TF: variants seen among roughly 807,000 people sequenced by gnomAD.
TF encodes transferrin.
In TF, 55 loss-of-function variants were observed where a neutral mutation model predicts 82.4. That is an observed-to-expected ratio of 0.67 (90% CI 0.54 to 0.84). The LOEUF is 0.84. Among genes scored for constraint, TF ranks in the 40% least tolerant of loss-of-function variants. The probability of loss-of-function intolerance (pLI) is 0.00; values close to 1 mark genes in which losing one functional copy is unlikely to be tolerated. For synonymous variants in TF, 332 were observed against 332.6 expected (o/e 1.00, Z 0.02); for missense variants, 737 against 868.4 (o/e 0.85, Z 1.90).
chr3:133,783,108 T>G lies in TF; in HGVS notation c.*4488T>G, dbSNP rs1460616741. On this transcript the variant is annotated 3_prime_UTR_variant, in exon 17 of 17. Transcript: ENST00000402696. Reference sequence around the variant, plus strand: ...AAGGACCACAGTATAGGTAATAAATTCTACTTTATTTGGGATTCCTCCTTC... The same window carrying G: ...AAGGACCACAGTATAGGTAATAAATGCTACTTTATTTGGGATTCCTCCTTC... The G allele has an allele frequency of 1.3e-5, 2 of 152,172 alleles. No individual in the cohort carries two copies. Among genetic ancestry groups the G allele is most frequent in the Non-Finnish European group, 2.9e-5 (2 of 68,046 alleles). The allele number at this position is 152,172 out of a possible 1,614,324, so 9.4% of individuals were successfully genotyped here.
chr3:133,750,531 G>T (rs1334267985), intron 2 of TF, among the ~76,000 whole-genome samples: 1 of 152,108 alleles, frequency 6.6e-6, no homozygotes. Context: ...TTCTGGGTTT[G>T]GTTATTTTGA....
Position 133,756,467 on chromosome 3 carries a change from C to T in TF, c.691+130C>T, listed in dbSNP as rs1933836848. On this transcript the variant is annotated intron_variant, in intron 6 of 16. Coordinates refer to ENST00000402696, the MANE Select transcript of TF (RefSeq NM_001063.4). ...TCTCCTTTATCATTGCCTGGGTTTC[C>T]ACCTGTGCAGAGTTAGGTACCTACG... 11 of 1,108,160 alleles carry T rather than the reference C, an allele frequency of 9.9e-6. No homozygotes were observed. The South Asian group carries it at 1.2e-4, about 12-fold the overall frequency. 68.6% of individuals were successfully genotyped at this position (1,108,160 alleles called of 1,614,324 possible).
the TF span, among the ~76,000 whole-genome samples, chr3:133,722,243 G>C: frequency 6.6e-6 from 1 of 151,566 alleles, no homozygotes; most frequent in Non-Finnish European, 1.5e-5. Flanking sequence ...ACTTCTGCTT[G>C]CTTCTGGTTT....
chr3:133,718,073 AGGAGAGTGGTGGGAAG>A, the TF span, among the ~76,000 whole-genome samples: 5 of 151,968 alleles, frequency 3.3e-5, no homozygotes, highest in African/African-American at 4.8e-5. Flanking sequence ...GCAAGGGTCC[AGGAGAGTGGTGGGAAG>A]GGAGAGTGGT....
the TF span, among the ~76,000 whole-genome samples, chr3:133,715,955 T>A: frequency 2.0e-5 from 3 of 152,232 alleles, no homozygotes; most frequent in African/African-American, 7.2e-5. Context: ...TTTTAATTCC[T>A]GTTCCAGTGT....
the TF span, among the ~76,000 whole-genome samples, chr3:133,688,951 G>C: frequency 3.3e-5 from 5 of 152,176 alleles, no homozygotes; most frequent in South Asian, 1.0e-3. Flanking sequence ...TCCCAAAATT[G>C]TTATCTCATT....
Position 133,794,779 on chromosome 3 carries a change from T to A in TF, c.*16159T>A, listed in dbSNP as rs1934925950. On this transcript the variant is annotated 3_prime_UTR_variant, in exon 17 of 17. Transcript: ENST00000402696. ...GATGGCATCCTTGATGTGAACAGCT[T>A]TTCCCAAGATCATGAATCAAGACTT... The A allele has an allele frequency of 6.6e-6, 1 of 152,228 alleles. No individual in the cohort carries two copies. The highest frequency in any genetic ancestry group is 1.5e-5 in the Non-Finnish European group (1 of 68,048). The allele number at this position is 152,228 out of a possible 1,614,324, so 9.4% of individuals were successfully genotyped here.
At chr3:133,739,196 C>G in the TF span, among the ~76,000 whole-genome samples, 12 of 152,004 alleles carry the variant, frequency 7.9e-5, no homozygotes, top group African/African-American at 1.7e-4. Context: ...ACAAACCTGA[C>G]AAAAACAAGC....
chr3:133,727,839 A>T, the TF span, among the ~76,000 whole-genome samples: 1 of 103,942 alleles, frequency 9.6e-6, no homozygotes, highest in African/African-American at 3.4e-5. Context: ...GAACTCTTTT[A>T]GGGCAGGCCT....
At position 133,778,747 on chromosome 3, in the gene TF, T is replaced by C; in HGVS notation, c.*127T>C. On this transcript the variant is annotated 3_prime_UTR_variant, in exon 17 of 17. Transcript: ENST00000402696. ...CTGTCTTCACAGCTCTGTGTTGCCA[T>C]GTGTGCTGAACAAAAAATAAAAATT... 1.2e-6 allele frequency: 1 copy of C among 869,216 alleles called. No individual in the cohort carries two copies. The allele number at this position is 869,216 out of a possible 1,614,324, so 53.8% of individuals were successfully genotyped here. A position where few individuals can be genotyped will look rare whatever the true frequency, so the allele number is the denominator to read the frequency against.
the TF span, among the ~76,000 whole-genome samples, chr3:133,707,190 TCACA>T: frequency 1.4e-3 from 202 of 144,712 alleles, no homozygotes; most frequent in Middle Eastern, 0.014. Context: ...AACCTCAGAG[TCACA>T]CACACACACA....
At chr3:133,733,018 T>G in the TF span, among the ~76,000 whole-genome samples, 4 of 152,232 alleles carry the variant, frequency 2.6e-5, no homozygotes, top group African/African-American at 4.8e-5. Context: ...GTTATGATCT[T>G]GTCCTGTGTT....
chr3:133,672,475 A>G, the TF span, among the ~76,000 whole-genome samples: 1 of 151,862 alleles, frequency 6.6e-6, no homozygotes, highest in African/African-American at 2.4e-5. Context: ...AAAAAAAAAA[A>G]GTAATCAAGT....
In TF at chr3:133,768,099, C is replaced by T. The variant is rs1449959377; in HGVS notation, c.1557C>T (p.Gly519=). 1 of 1,614,054 alleles carries T rather than the reference C, an allele frequency of 6.2e-7. No individual in the cohort carries two copies. Among genetic ancestry groups the T allele is most frequent in the Non-Finnish European group, 8.5e-7 (1 of 1,180,034 alleles). Residue 519 remains glycine, a synonymous_variant, in exon 13 of 17, where the codon GGC becomes GGT. Transcript: ENST00000402696. The stretch of plus-strand genomic sequence containing the variant: ...CCAGTCTCTGTAAGCTGTGTATGGG[C>T]TCAGGCCTAAACCTGTGTGAACCCA... ...KDSSLCKLCM[G]SGLNLCEPNN...
At chr3:133,770,342 T>G (rs3749173) in intron 13 of TF, among the ~76,000 whole-genome samples, 166 bp from the exon 14 acceptor site, 2 of 152,010 alleles carry the variant, frequency 1.3e-5, no homozygotes, top group East Asian at 3.9e-4. Context: ...CAATTCAGAG[T>G]GTTTTGTTTT....
the TF span, among the ~76,000 whole-genome samples, chr3:133,702,365 C>G: frequency 6.6e-6 from 1 of 152,030 alleles, no homozygotes; most frequent in Non-Finnish European, 1.5e-5. Flanking sequence ...GGGTGACATT[C>G]CGGGCTATGG....
chr3:133,726,829 A>G, the TF span, among the ~76,000 whole-genome samples: 1 of 151,800 alleles, frequency 6.6e-6, no homozygotes, highest in Admixed American at 6.6e-5. Flanking sequence ...ACTGCTCTGA[A>G]TGCGTCCCAG....
chr3:133,699,117 A>G, the TF span, among the ~76,000 whole-genome samples: 1 of 152,242 alleles, frequency 6.6e-6, no homozygotes, highest in African/African-American at 2.4e-5. Context: ...AATGCAACAG[A>G]GCCTGGAGAG....
At chr3:133,680,207 T>C in the TF span, among the ~76,000 whole-genome samples, 2 of 152,142 alleles carry the variant, frequency 1.3e-5, no homozygotes, top group African/African-American at 4.8e-5. Context: ...TTTTCTTTTT[T>C]TTCTTTCTTT....
Sources: gnomAD v4.1 joint callset for allele counts (sites outside exome capture counted in the v4.1 genomes callset) on GRCh38, gnomAD v4.1.1 for gene constraint, MANE v1.5 for transcripts, NCBI Gene and HGNC (gene_info 2026-07-23, HGNC 2026-07-21) for gene names.